PALM2AKAP2: variants seen among roughly 807,000 people sequenced by gnomAD.
The protein encoded by PALM2AKAP2 is PALM2-AKAP2 fusion protein.
PALM2AKAP2 carries 37 observed loss-of-function variants against 71.5 expected under a neutral mutation model. That is an observed-to-expected ratio of 0.52 (90% confidence interval 0.40 to 0.68). The LOEUF (loss-of-function observed/expected upper bound fraction) is 0.68, where lower values mean the gene tolerates loss of function less well. Among genes scored for constraint, PALM2AKAP2 ranks in the 30% least tolerant of loss-of-function variants. The pLI, the probability that PALM2AKAP2 is intolerant of heterozygous loss-of-function variation, is 0.00. For missense variants in PALM2AKAP2, 1,224 were observed against 1,191.8 expected (o/e 1.03, Z -0.40); for synonymous variants, 468 against 478.8 (o/e 0.98, Z 0.29).
chr9:109,697,199 C>A (rs904221815), intron 1 of PALM2AKAP2, among the ~76,000 whole-genome samples: 3 of 151,530 alleles, frequency 2.0e-5, no homozygotes, highest in African/African-American at 7.3e-5. Context: ...AAGAGAGAAG[C>A]AACTATTCTC....
chr9:109,700,276 C>T (rs1042731488), intron 1 of PALM2AKAP2, among the ~76,000 whole-genome samples: 1 of 152,062 alleles, frequency 6.6e-6, no homozygotes, highest in African/African-American at 2.4e-5. Context: ...TCCTGTGCTG[C>T]TCTCCTGATA....
At chr9:109,991,202 GC>G (rs1401522495) in intron 6 of PALM2AKAP2, among the ~76,000 whole-genome samples, 1 of 150,738 alleles carries the variant, frequency 6.6e-6, no homozygotes, top group Non-Finnish European at 1.5e-5. Context: ...TCCTCTAAGA[GC>G]TTTTTATAAT....
chr9:110,058,850 G>A (rs1833899964), intron 1 of PALM2AKAP2, among the ~76,000 whole-genome samples: 1 of 151,086 alleles, frequency 6.6e-6, no homozygotes, highest in Non-Finnish European at 1.5e-5. Flanking sequence ...TATCAATACT[G>A]GGAAGTAAAA....
intron 6 of PALM2AKAP2, among the ~76,000 whole-genome samples, chr9:110,009,502 C>G (rs1204513488): frequency 6.6e-6 from 1 of 152,010 alleles, no homozygotes; most frequent in Non-Finnish European, 1.5e-5. Context: ...ATCACGAGGT[C>G]AGGAGACCGA....
intron 1 of PALM2AKAP2, among the ~76,000 whole-genome samples, chr9:110,069,067 A>C (rs1419103606): frequency 6.6e-6 from 1 of 152,214 alleles, no homozygotes; most frequent in East Asian, 1.9e-4. Flanking sequence ...TCACAGATGC[A>C]CCAAGATCAA....
chr9:110,022,745 C>G (rs2132373857), intron 7 of PALM2AKAP2, among the ~76,000 whole-genome samples: 1 of 151,240 alleles, frequency 6.6e-6, no homozygotes, highest in African/African-American at 2.4e-5. Flanking sequence ...CACCCCACAA[C>G]AGTCCCCGGA....
chr9:109,662,343 C>G (rs1827411941), intron 1 of PALM2AKAP2, among the ~76,000 whole-genome samples: 1 of 152,192 alleles, frequency 6.6e-6, no homozygotes, highest in Admixed American at 6.5e-5. Flanking sequence ...TATGTTCCAT[C>G]AGTACCTTGT....
At chr9:109,878,226 A>G (rs1829760970) in intron 2 of PALM2AKAP2, among the ~76,000 whole-genome samples, 1 of 152,198 alleles carries the variant, frequency 6.6e-6, no homozygotes, top group African/African-American at 2.4e-5. Context: ...ATGCCCTATA[A>G]TGTAAAAACT....
At chr9:110,134,193 C>T (rs1835796241) in intron 1 of PALM2AKAP2, among the ~76,000 whole-genome samples, 1 of 151,644 alleles carries the variant, frequency 6.6e-6, no homozygotes, top group African/African-American at 2.4e-5. Flanking sequence ...GCAGGAGGAT[C>T]CCATGAGCTC....
intron 1 of PALM2AKAP2, among the ~76,000 whole-genome samples, chr9:110,132,885 C>T (rs1011964128): frequency 4.6e-5 from 7 of 152,240 alleles, no homozygotes; most frequent in African/African-American, 1.4e-4. Flanking sequence ...GCTGGGATTA[C>T]AGGCATGAGC....
At chr9:110,046,906 A>ATGG (rs1318290263), upstream of PALM2AKAP2, among the ~76,000 whole-genome samples, 2,256 of 152,324 alleles carry the variant, frequency 0.015, 61 homozygotes, top group African/African-American at 0.051. Flanking sequence ...ATGTAATTCT[A>ATGG]AAATTCTTCC....
At chr9:109,808,843 G>A (rs1332102435) in intron 1 of PALM2AKAP2, among the ~76,000 whole-genome samples, 1 of 152,200 alleles carries the variant, frequency 6.6e-6, no homozygotes, top group African/African-American at 2.4e-5. Flanking sequence ...CTTGAGACTT[G>A]GTGCCCTGTG....
chr9:109,789,213 G>T (rs115333502), intron 1 of PALM2AKAP2, among the ~76,000 whole-genome samples: 4,814 of 152,242 alleles, frequency 0.032, 95 homozygotes, highest in Non-Finnish European at 0.036. Context: ...GCAACACCAT[G>T]ACAGCCCCAT....
intron 1 of PALM2AKAP2, among the ~76,000 whole-genome samples, chr9:109,770,997 T>C (rs978244752): frequency 6.6e-6 from 1 of 152,212 alleles, no homozygotes; most frequent in African/African-American, 2.4e-5. Context: ...GGTCATTAAG[T>C]GGTAAGAACT....
intron 6 of PALM2AKAP2, among the ~76,000 whole-genome samples, chr9:110,003,499 A>G (rs950208073): frequency 6.6e-6 from 1 of 152,208 alleles, no homozygotes; most frequent in Non-Finnish European, 1.5e-5. Context: ...AAAAGAATGT[A>G]CATTCTCTTG....
At chr9:109,775,129 C>A (rs1829329752) in intron 1 of PALM2AKAP2, among the ~76,000 whole-genome samples, 1 of 152,168 alleles carries the variant, frequency 6.6e-6, no homozygotes, top group African/African-American at 2.4e-5. Flanking sequence ...AGAATGATCT[C>A]TAACCATTTG....
chr9:109,904,910 C>T (rs1490265115), intron 3 of PALM2AKAP2, among the ~76,000 whole-genome samples: 1 of 152,148 alleles, frequency 6.6e-6, no homozygotes, highest in Non-Finnish European at 1.5e-5. Flanking sequence ...GGACGTTATG[C>T]AAGCCACTTC....
intron 6 of PALM2AKAP2, among the ~76,000 whole-genome samples, chr9:110,006,722 A>G (rs1347810223): frequency 6.6e-6 from 1 of 152,180 alleles, no homozygotes; most frequent in African/African-American, 2.4e-5. Context: ...ATAAATTTAT[A>G]TAACATAAGT....
intron 7 of PALM2AKAP2, among the ~76,000 whole-genome samples, chr9:110,026,934 T>C (rs1322787689): frequency 1.3e-5 from 2 of 152,068 alleles, no homozygotes; most frequent in African/African-American, 4.8e-5. Flanking sequence ...TCTCAGCCAC[T>C]CTGGAGGCTG....
Sources: allele counts gnomAD v4.1 joint callset (sites outside exome capture counted in the v4.1 genomes callset), GRCh38; gene constraint gnomAD v4.1.1; transcripts MANE v1.5; gene names NCBI Gene and HGNC (gene_info 2026-07-23, HGNC 2026-07-21).